The following ABCC3 variants were observed in gnomAD, a reference collection of about 807,000 sequenced individuals.
ABCC3 encodes ATP-binding cassette sub-family C member 3.
In ABCC3, 121 loss-of-function variants were observed where a neutral mutation model predicts 165.3. The ratio of observed to expected loss-of-function variants is 0.73; its 90% CI spans 0.63 to 0.85. The LOEUF (loss-of-function observed/expected upper bound fraction) is 0.85, where lower values mean the gene tolerates loss of function less well. Ranked by LOEUF, ABCC3 falls within the 40% of genes least tolerant of loss-of-function variation. The pLI is 0.00. For synonymous variants in ABCC3, 733 were observed against 810.1 expected (o/e 0.90, Z 1.62); for missense variants, 1,869 against 1,964.1 (o/e 0.95, Z 0.92).
In ABCC3 at chr17:50,683,980, A is replaced by T; in HGVS notation, c.3986A>T (p.Lys1329Met). 6.2e-7 allele frequency: 1 copy of T among 1,613,392 alleles called. No individual in the cohort carries two copies. The highest frequency in any genetic ancestry group is 1.1e-5 in the South Asian group (1 of 91,042). ...VGIVGRTGAG[K>M]SSMTLCLFRI... The stretch of plus-strand genomic sequence containing the variant: ...ATCGTGGGCCGCACTGGGGCTGGCA[A>T]GTCTTCCATGACCCTTTGCCTGTTC... The change falls in exon 28 of 31, where the codon AAG becomes ATG. Residue 1329 changes from lysine to methionine, a missense_variant. By Grantham distance (95) the Lys-to-Met change is moderately conservative. Transcript: ENST00000285238.
chr17:50,658,159 C>T lies in ABCC3; in HGVS notation c.564C>T (p.Ala188=), dbSNP rs1390761089. ...TGGTACTCTCTGCCCTCATCTTGGC[C>T]TGCTTCAGGGAGAAACCTCCATTTT... ...FALVLSALIL[A]CFREKPPFFS... Residue 188 remains alanine, a synonymous_variant, in exon 5 of 31, where the codon GCC becomes GCT. Transcript: ENST00000285238. The T allele has an allele frequency of 6.2e-7, 1 of 1,614,228 alleles. No homozygotes were observed. The highest frequency in any genetic ancestry group is 8.5e-7 in the Non-Finnish European group (1 of 1,180,036).
At chr17:50,663,305 G>A (rs1440525015) in intron 8 of ABCC3, 4 of 243,536 alleles carry the variant, frequency 1.6e-5, no homozygotes, top group Admixed American at 1.5e-4. Context: ...TTGTGGTCAT[G>A]TGGCGGAATC....
chr17:50,663,602 G>A (rs1375941418), intron 8 of ABCC3, 79 bp from the exon 9 acceptor site: 1 of 1,529,548 alleles, frequency 6.5e-7, no homozygotes, highest in Non-Finnish European at 8.9e-7. Flanking sequence ...GGAGACTGCG[G>A]GTAAAAGCAA....
intron 19 of ABCC3, among the ~76,000 whole-genome samples, chr17:50,673,980 C>CTTTCCTTCCTTCCTTCCT (rs1967725765): frequency 4.3e-4 from 4 of 9,404 alleles, no homozygotes; most frequent in South Asian, 3.6e-3. Context: ...TTCTTTCTTT[C>CTTTCCTTCCTTCCTTCCT]TCTCTCTCTC....
At chr17:50,684,201 A>C (rs1967980649) in intron 28 of ABCC3, 94 bp downstream of exon 28, 4 of 1,482,692 alleles carry the variant, frequency 2.7e-6, no homozygotes, top group Non-Finnish European at 3.6e-6. Flanking sequence ...CTGGGACCCC[A>C]GTCTCAGAGG....
chr17:50,682,025 C>T (rs370320611), intron 26 of ABCC3, among the ~76,000 whole-genome samples: 26 of 152,152 alleles, frequency 1.7e-4, no homozygotes, highest in South Asian at 6.2e-4. Flanking sequence ...CTCAACCCCA[C>T]GGCCCGTTCT....
In ABCC3 at chr17:50,691,303, C is replaced by G. The variant is rs146326566; in HGVS notation, c.*103C>G. 4.4e-4 allele frequency: 399 copies of G among 903,898 alleles called. No homozygotes were observed. The highest frequency in any genetic ancestry group is 6.3e-4 in the Non-Finnish European group (357 of 564,052). 56.0% of individuals were successfully genotyped at this position (903,898 alleles called of 1,614,324 possible). A position where few individuals can be genotyped will look rare whatever the true frequency, so the allele number is the denominator to read the frequency against. ...TGGACTTGATAGCAAACACTGGGGG[C>G]ACCTTAAGATTTTGCACCTGTAAAG... On this transcript the variant is annotated 3_prime_UTR_variant, in exon 31 of 31. Transcript: ENST00000285238.
Position 50,675,931 on chromosome 17 carries a change from A to G in ABCC3, c.2908A>G (p.Thr970Ala). 6.2e-7 allele frequency: 1 copy of G among 1,614,130 alleles called. No homozygotes were observed. Among genetic ancestry groups the G allele is most frequent in the Non-Finnish European group, 8.5e-7 (1 of 1,180,034 alleles). The change falls in exon 22 of 31, where the codon ACC (threonine) becomes GCC (alanine). Residue 970 changes from threonine (T) to alanine (A), a missense_variant. Thr to Ala is a moderately conservative substitution (Grantham distance 58). Transcript: ENST00000285238. The stretch of plus-strand genomic sequence containing the variant: ...TTATGCCAAGGCCGTGGGGCTCTGT[A>G]CCACGCTGGCCATCTGTCTCCTGTA... ...WDYAKAVGLC[T>A]TLAICLLYVG...
At chr17:50,690,357 T>G (rs960096672) in intron 30 of ABCC3, among the ~76,000 whole-genome samples, 1 of 150,966 alleles carries the variant, frequency 6.6e-6, no homozygotes, top group Non-Finnish European at 1.5e-5. Flanking sequence ...GGGGGGGCGG[T>G]GGCCAGGCAG....
rs775564715 is a variant in ABCC3, at chr17:50,665,231, A to G, written c.1417A>G (p.Met473Val). Residue 473 changes from methionine to valine, a missense_variant, in exon 11 of 31, where the codon ATG becomes GTG. Met to Val is a conservative substitution (Grantham distance 21). Coordinates refer to ENST00000285238, the MANE Select transcript of ABCC3 (RefSeq NM_003786.4). Reference sequence around the variant, plus strand: ...ACTCAACGGAGCTGTGGCCGTGAAGATGCGCGCCTTCCAGGTAGGTGCTGT... The same window carrying G: ...ACTCAACGGAGCTGTGGCCGTGAAGGTGCGCGCCTTCCAGGTAGGTGCTGT... Reference protein sequence around the residue: ...IPLNGAVAVKMRAFQVKQMKL... With the variant: ...IPLNGAVAVKVRAFQVKQMKL... The G allele has an allele frequency of 8.7e-6, 14 of 1,613,930 alleles. No homozygotes were observed. In the South Asian group the frequency reaches 1.3e-4, roughly 15 times the overall value.
chr17:50,667,234 A>G (rs963635080), intron 11 of ABCC3, among the ~76,000 whole-genome samples: 7 of 151,880 alleles, frequency 4.6e-5, no homozygotes, highest in African/African-American at 1.7e-4. Flanking sequence ...AATAAATAAT[A>G]CTAGCAATAA....
chr17:50,668,346 C>G (rs1967570337), intron 13 of ABCC3, 84 bp from the exon 14 acceptor site: 1 of 1,245,106 alleles, frequency 8.0e-7, no homozygotes, highest in Admixed American at 1.8e-5. Flanking sequence ...TCCTGCCTAG[C>G]CCAGGATGCT....
chr17:50,655,423 A>AAAAAAAC, intron 1 of ABCC3, among the ~76,000 whole-genome samples: 1 of 143,734 alleles, frequency 7.0e-6, no homozygotes, highest in Non-Finnish European at 1.5e-5. Flanking sequence ...AAAAAAAAAC[A>AAAAAAAC]AAAACAAAAA....
At chr17:50,673,239 G>C in intron 18 of ABCC3, 101 bp downstream of exon 18, 1 of 1,469,608 alleles carries the variant, frequency 6.8e-7, no homozygotes, top group Non-Finnish European at 9.2e-7. Flanking sequence ...GGAGGTGTGG[G>C]GGGCGCAAGA....
chr17:50,683,957 C>G lies in ABCC3; in HGVS notation c.3963C>G (p.Ile1321Met), dbSNP rs1026887461. Residue 1321 changes from isoleucine to methionine, a missense_variant, in exon 28 of 31, where the codon ATC becomes ATG. Physicochemically the swap from Ile to Met is conservative, Grantham distance 10. Coordinates refer to ENST00000285238, the MANE Select transcript of ABCC3 (RefSeq NM_003786.4). ...TTCCCTTCTCCGCCCAGGTGGGGAT[C>G]GTGGGCCGCACTGGGGCTGGCAAGT... ...LHVHGGEKVG[I>M]VGRTGAGKSS... 4 of 1,613,038 alleles carry G rather than the reference C, an allele frequency of 2.5e-6. No individual in the cohort carries two copies. In the East Asian group the frequency reaches 6.7e-5, roughly 27 times the overall value.
intron 1 of ABCC3, chr17:50,635,373 A>T: frequency 1.5e-6 from 1 of 654,322 alleles, no homozygotes; most frequent in South Asian, 1.6e-5. Context: ...TTCCCTCAGC[A>T]TCTGCCTCAG....
At chr17:50,675,821 C>T in intron 21 of ABCC3, 46 bp downstream of exon 21, 1 of 1,595,226 alleles carries the variant, frequency 6.3e-7, no homozygotes, top group Non-Finnish European at 8.5e-7. Flanking sequence ...GACAGGCAGG[C>T]CCCAGCAGCC....
intron 1 of ABCC3, chr17:50,635,343 C>T (rs2054169487): frequency 1.6e-6 from 1 of 633,098 alleles, no homozygotes; most frequent in African/African-American, 1.8e-5. Context: ...CAATCAGCCG[C>T]GGGTTCCTGA....
At chr17:50,638,544 C>T (rs991278641) in intron 1 of ABCC3, among the ~76,000 whole-genome samples, 10 of 152,126 alleles carry the variant, frequency 6.6e-5, no homozygotes, top group Non-Finnish European at 1.0e-4. Context: ...AGGGAAGATG[C>T]GGCCAGTGGG....
Sources: allele counts gnomAD v4.1 joint callset (sites outside exome capture counted in the v4.1 genomes callset), GRCh38; gene constraint gnomAD v4.1.1; transcripts MANE v1.5; gene names NCBI Gene and HGNC (gene_info 2026-07-23, HGNC 2026-07-21).